Variants in JPH3 observed in about 807,000 individuals in gnomAD.
The protein encoded by JPH3 is junctophilin-3.
In JPH3, 11 loss-of-function variants were observed where a neutral mutation model predicts 59.6. The ratio of observed to expected loss-of-function variants is 0.18; its 90% CI spans 0.12 to 0.31. The LOEUF (loss-of-function observed/expected upper bound fraction) is 0.31. Among genes scored for constraint, JPH3 ranks in the 10% least tolerant of loss-of-function variants. JPH3 has a pLI of 1.00. For missense variants in JPH3, 1,202 were observed against 1,105.7 expected (o/e 1.09, Z -1.24); for synonymous variants, 673 against 483.6 (o/e 1.39, Z -5.14).
intron 2 of JPH3, among the ~76,000 whole-genome samples, chr16:87,669,979 G>A (rs1179260538): frequency 5.9e-5 from 9 of 152,168 alleles, no homozygotes; most frequent in Non-Finnish European, 1.3e-4. Context: ...CCGTGGGGGC[G>A]GGGGTAATCC....
chr16:87,637,422 T>TTTG (rs2031791471), intron 1 of JPH3, among the ~76,000 whole-genome samples: 1 of 147,502 alleles, frequency 6.8e-6, no homozygotes, highest in Non-Finnish European at 1.5e-5. Flanking sequence ...GTGTGTGTGT[T>TTTG]TGTGTGTGTG....
At chr16:87,602,456 G>GGCGGGCGGGGGCGCGCGGGCGGGCGGGGT (rs2030249759), upstream of JPH3, among the ~76,000 whole-genome samples, 1 of 122,834 alleles carries the variant, frequency 8.1e-6, no homozygotes, top group Non-Finnish European at 1.8e-5. Context: ...GGGGGCGGGG[G>GGCGGGCGGGGGCGCGCGGGCGGGCGGGGT]GCGGGCGGGG....
chr16:87,636,604 T>C (rs927998514), intron 1 of JPH3, among the ~76,000 whole-genome samples: 4 of 152,228 alleles, frequency 2.6e-5, no homozygotes, highest in African/African-American at 9.6e-5. Flanking sequence ...GAGGTCAGGC[T>C]ACGCAGGCAG....
chr16:87,691,459 G>A (rs571556921), intron 4 of JPH3, among the ~76,000 whole-genome samples: 2 of 152,318 alleles, frequency 1.3e-5, no homozygotes, highest in Admixed American at 6.5e-5. Flanking sequence ...GTGTGAGGAC[G>A]CAGGGGGGTG....
chr16:87,634,046 G>T (rs532323671), intron 1 of JPH3, among the ~76,000 whole-genome samples: 5 of 152,096 alleles, frequency 3.3e-5, no homozygotes, highest in African/African-American at 1.2e-4. Context: ...CTTGTGAAAC[G>T]GCCGTGCAAT....
At chr16:87,688,597 C>T (rs1256366896) in intron 3 of JPH3, among the ~76,000 whole-genome samples, 2 of 152,122 alleles carry the variant, frequency 1.3e-5, no homozygotes, top group Non-Finnish European at 2.9e-5. Context: ...GAGCTGGTCT[C>T]ATGAGGTGGC....
At chr16:87,694,514 C>G (rs1459495065) in intron 4 of JPH3, 1 of 152,228 alleles carries the variant, frequency 6.6e-6, no homozygotes, top group Non-Finnish European at 1.5e-5. Flanking sequence ...GTTCTCCGGG[C>G]AAGGCCGTGA....
At chr16:87,694,522 T>C (rs888012012) in intron 4 of JPH3, 17 of 152,244 alleles carry the variant, frequency 1.1e-4, no homozygotes, top group African/African-American at 4.1e-4. Flanking sequence ...GGCAAGGCCG[T>C]GACCCCACTG....
chr16:87,690,640 G>T, intron 4 of JPH3, 114 bp downstream of exon 4: 1 of 1,132,666 alleles, frequency 8.8e-7, no homozygotes, highest in Non-Finnish European at 1.2e-6. Context: ...CCTCTCCAGG[G>T]GTGGAGTAGG....
chr16:87,646,390 A>C (rs760623336), intron 2 of JPH3, among the ~76,000 whole-genome samples: 2 of 152,362 alleles, frequency 1.3e-5, no homozygotes, highest in East Asian at 3.9e-4. Flanking sequence ...ACCGAGGTCC[A>C]AACTCGCTGT....
chr16:87,649,608 C>G (rs1343111856), intron 2 of JPH3, among the ~76,000 whole-genome samples: 2 of 152,208 alleles, frequency 1.3e-5, no homozygotes, highest in African/African-American at 4.8e-5. Context: ...AGCTGAGACC[C>G]TCTGCCACAA....
chr16:87,641,118 C>T (rs1178796573), intron 1 of JPH3, among the ~76,000 whole-genome samples: 2 of 152,266 alleles, frequency 1.3e-5, no homozygotes, highest in African/African-American at 4.8e-5. Flanking sequence ...GTGCCCATCA[C>T]AACTGCCCCC....
At chr16:87,636,858 A>G (rs1336678080) in intron 1 of JPH3, among the ~76,000 whole-genome samples, 2 of 152,186 alleles carry the variant, frequency 1.3e-5, no homozygotes, top group African/African-American at 2.4e-5. Flanking sequence ...CCTATCTTAC[A>G]GGTGTGGAAA....
intron 1 of JPH3, among the ~76,000 whole-genome samples, chr16:87,638,528 A>C (rs1227434109): frequency 2.0e-5 from 3 of 152,034 alleles, no homozygotes; most frequent in African/African-American, 7.2e-5. Context: ...CGGAACAGTG[A>C]ACATGAGGGC....
chr16:87,692,601 C>T (rs1453809404), intron 4 of JPH3, among the ~76,000 whole-genome samples: 1 of 122,868 alleles, frequency 8.1e-6, no homozygotes, highest in South Asian at 2.7e-4. Flanking sequence ...TAGGGTCCCA[C>T]TGGCCACAGA....
rs1490019855 is a variant in JPH3, at chr16:87,666,272, A to G, written c.1161-17870A>G. Among the ~76,000 whole-genome samples, 4 of 152,036 alleles carry G rather than the reference A, an allele frequency of 2.6e-5. No homozygotes were observed. In the East Asian group the frequency reaches 7.7e-4, roughly 29 times the overall value. On this transcript the variant is annotated intron_variant, in intron 2 of 4. Coordinates refer to ENST00000284262, the MANE Select transcript of JPH3 (RefSeq NM_020655.4). ...CCCAGCTAATTTTTATATTTTTAGT[A>G]GAGACAGGGTTTCATCATGTTGGTC...
In JPH3 at chr16:87,677,020, G is replaced by A. The variant is rs558413264; in HGVS notation, c.1161-7122G>A. Among the ~76,000 whole-genome samples, 63 of 151,492 alleles carry A rather than the reference G, an allele frequency of 4.2e-4. 1 individual carries two copies. The highest frequency in any genetic ancestry group is 6.0e-4 in the Non-Finnish European group (41 of 67,978). ...TAAGAATACAAAAAATTAGCCGGGC[G>A]TGGTGGCGGGCGCCTGTAGTCCCAG... is the stretch of plus-strand genomic sequence containing the variant. On this transcript the variant is annotated intron_variant, in intron 2 of 4. Transcript: ENST00000284262.
intron 1 of JPH3, 83 bp from the exon 2 acceptor site, chr16:87,644,175 T>A: frequency 7.2e-7 from 1 of 1,383,596 alleles, no homozygotes; most frequent in African/African-American, 1.4e-5. Flanking sequence ...GACAGGACTG[T>A]GGCTGCTTCA....
intron 2 of JPH3, chr16:87,654,828 C>G (rs1028073823): frequency 7.2e-5 from 11 of 152,446 alleles, no homozygotes; most frequent in South Asian, 2.1e-4. Context: ...TGGGCTCTGA[C>G]CACCGCTCTG....
Sources: allele counts gnomAD v4.1 joint callset (sites outside exome capture counted in the v4.1 genomes callset), GRCh38; gene constraint gnomAD v4.1.1; transcripts MANE v1.5; gene names NCBI Gene and HGNC (gene_info 2026-07-23, HGNC 2026-07-21).